ARHGAP15: variants seen among roughly 807,000 people sequenced by gnomAD.
ARHGAP15 encodes the protein rho GTPase-activating protein 15.
ARHGAP15 carries 51 observed loss-of-function variants against 63.7 expected under a neutral mutation model. The ratio of observed to expected loss-of-function variants is 0.80; its 90% confidence interval spans 0.64 to 1.01. The LOEUF is 1.01. Ranked by LOEUF, ARHGAP15 falls within the 50% of genes least tolerant of loss-of-function variation. The probability of loss-of-function intolerance (pLI) is 0.00; values close to 1 mark genes in which losing one functional copy is unlikely to be tolerated. For missense variants in ARHGAP15, 560 were observed against 564.6 expected, an observed-to-expected ratio of 0.99 and a Z score of 0.08; for synonymous variants, 191 against 193.8, an observed-to-expected ratio of 0.99 and a Z score of 0.12.
At chr2:143,465,588 TTG>T (rs957278476) in intron 8 of ARHGAP15, among the ~76,000 whole-genome samples, 11 of 152,130 alleles carry the variant, frequency 7.2e-5, no homozygotes, top group African/African-American at 2.7e-4. Context: ...AGGTAATGCT[TTG>T]TATTTTTTTC....
rs377089210 is a variant in ARHGAP15, at chr2:143,452,657, A to ATT, written c.703+15631_703+15632dup. 1.9e-3 allele frequency among the ~76,000 whole-genome samples: 262 copies of ATT among 136,994 alleles called. 2 individuals are homozygous for ATT. The highest frequency in any genetic ancestry group is 0.017 in the South Asian group (72 of 4,308). 89.9% of individuals were successfully genotyped at this position (136,994 alleles called of 152,430 possible). On this transcript the variant is annotated intron_variant, in intron 8 of 13. Coordinates refer to ENST00000295095, the MANE Select transcript of ARHGAP15 (RefSeq NM_018460.4). ...GAGTCCTCAACTGTGGCCCCTTTGG[A>ATT]TTTTTTTTTTTTTTTTTGTCTCAAT...
chr2:143,643,793 C>T (rs879890437), intron 12 of ARHGAP15, among the ~76,000 whole-genome samples: 3 of 151,818 alleles, frequency 2.0e-5, no homozygotes, highest in African/African-American at 4.8e-5. Flanking sequence ...CTCGGTTAAA[C>T]GGTCTTGGAA....
chr2:143,361,925 C>T (rs958799732), intron 6 of ARHGAP15, among the ~76,000 whole-genome samples: 4 of 152,170 alleles, frequency 2.6e-5, no homozygotes, highest in Non-Finnish European at 4.4e-5. Flanking sequence ...AAACTCTTTA[C>T]TATAACTTTC....
chr2:143,358,956 A>G (rs1685924251), intron 6 of ARHGAP15, among the ~76,000 whole-genome samples: 1 of 152,114 alleles, frequency 6.6e-6, no homozygotes, highest in East Asian at 1.9e-4. Flanking sequence ...AAATGCATAC[A>G]TATCTAGTAA....
At chr2:143,506,862 AT>A (rs1693347543) in intron 9 of ARHGAP15, among the ~76,000 whole-genome samples, 1 of 149,590 alleles carries the variant, frequency 6.7e-6, no homozygotes, top group Non-Finnish European at 1.5e-5. Flanking sequence ...TTAGAAAAAA[AT>A]ATTGAAATAT....
intron 12 of ARHGAP15, among the ~76,000 whole-genome samples, chr2:143,671,021 T>C (rs1682495624): frequency 6.6e-6 from 1 of 152,194 alleles, no homozygotes; most frequent in Non-Finnish European, 1.5e-5. Flanking sequence ...TCTATAGTTA[T>C]ATTTTCTTTA....
At chr2:143,691,803 T>TAAGAA (rs1683612797) in intron 12 of ARHGAP15, among the ~76,000 whole-genome samples, 1 of 152,246 alleles carries the variant, frequency 6.6e-6, no homozygotes, top group Non-Finnish European at 1.5e-5. Flanking sequence ...TAACCATTTT[T>TAAGAA]AAGAAAAGGA....
chr2:143,711,750 G>A (rs1435204771), intron 13 of ARHGAP15, among the ~76,000 whole-genome samples: 1 of 152,086 alleles, frequency 6.6e-6, no homozygotes, highest in Non-Finnish European at 1.5e-5. Flanking sequence ...GCAACATAGT[G>A]AGAACTCATC....
At chr2:143,626,880 A>G (rs1188080971) in intron 12 of ARHGAP15, among the ~76,000 whole-genome samples, 3 of 152,120 alleles carry the variant, frequency 2.0e-5, no homozygotes, top group African/African-American at 7.2e-5. Flanking sequence ...ATCAAAATGT[A>G]TATGTTGAAG....
intron 2 of ARHGAP15, among the ~76,000 whole-genome samples, chr2:143,184,723 C>A (rs1166092731): frequency 6.6e-6 from 1 of 152,014 alleles, no homozygotes; most frequent in African/African-American, 2.4e-5. Context: ...ATTCTGTTGC[C>A]CAGACTGGAG....
intron 6 of ARHGAP15, among the ~76,000 whole-genome samples, chr2:143,431,669 A>G (rs1258364737): frequency 6.6e-6 from 1 of 151,884 alleles, no homozygotes; most frequent in Non-Finnish European, 1.5e-5. Flanking sequence ...TTCTATTGTT[A>G]TTTATCTGTA....
chr2:143,507,956 C>T (rs1255319484), intron 9 of ARHGAP15, among the ~76,000 whole-genome samples: 1 of 151,698 alleles, frequency 6.6e-6, no homozygotes, highest in East Asian at 1.9e-4. Flanking sequence ...CCTACTTCTC[C>T]TCTTAACCCC....
chr2:143,525,056 G>A (rs936280918), intron 10 of ARHGAP15, among the ~76,000 whole-genome samples: 2 of 152,062 alleles, frequency 1.3e-5, no homozygotes, highest in African/African-American at 4.8e-5. Flanking sequence ...TTGAATCCAG[G>A]CCCCGAAACT....
chr2:143,411,556 A>T (rs1688447316), intron 6 of ARHGAP15, among the ~76,000 whole-genome samples: 2 of 152,128 alleles, frequency 1.3e-5, no homozygotes, highest in Admixed American at 1.3e-4. Context: ...GAATATAAGG[A>T]CCCTATGTGT....
rs148845367 is a variant in ARHGAP15 at position 143,519,075 on chromosome 2, C to T, written c.827-191C>T. 160 of 426,458 alleles carry T rather than the reference C, an allele frequency of 3.8e-4. 1 individual carries two copies. Among genetic ancestry groups the T allele is most frequent in the African/African-American group, 2.5e-3 (121 of 48,394 alleles). 26.4% of individuals were successfully genotyped at this position (426,458 alleles called of 1,614,324 possible). On this transcript the variant is annotated intron_variant, in intron 9 of 13. Transcript: ENST00000295095. ...GAGCGTCAGTTTTCTCACTCTGGGG[C>T]GAGGGTCCTGTTCCATCAAGGAGGG...
chr2:143,668,049 T>A (rs1016610686), intron 12 of ARHGAP15, among the ~76,000 whole-genome samples: 2 of 148,746 alleles, frequency 1.3e-5, no homozygotes, highest in African/African-American at 2.5e-5. Context: ...GAGAAACATT[T>A]AAAAAAAAAA....
At chr2:143,739,220 C>T (rs947521061) in intron 13 of ARHGAP15, among the ~76,000 whole-genome samples, 1 of 152,158 alleles carries the variant, frequency 6.6e-6, no homozygotes, top group Non-Finnish European at 1.5e-5. Context: ...CAGAAAAAGA[C>T]AGCAGCCTTA....
intron 12 of ARHGAP15, among the ~76,000 whole-genome samples, chr2:143,674,866 G>C (rs1316637030): frequency 6.6e-6 from 1 of 152,126 alleles, no homozygotes; most frequent in African/African-American, 2.4e-5. Flanking sequence ...AATGGTCGCT[G>C]ACTGATCAGG....
chr2:143,750,459 T>C (rs1209191582), intron 13 of ARHGAP15, among the ~76,000 whole-genome samples: 1 of 152,168 alleles, frequency 6.6e-6, no homozygotes, highest in Non-Finnish European at 1.5e-5. Context: ...AAAAAATGTT[T>C]CTCTAGCTTG....
Sources: gnomAD v4.1 joint callset for allele counts (sites outside exome capture counted in the v4.1 genomes callset) on GRCh38, gnomAD v4.1.1 for gene constraint, MANE v1.5 for transcripts, NCBI Gene and HGNC (gene_info 2026-07-23, HGNC 2026-07-21) for gene names.